Variants in BLK observed in about 807,000 individuals in gnomAD.
BLK encodes the protein tyrosine-protein kinase Blk.
BLK carries 64 observed loss-of-function variants against 61.8 expected under a neutral mutation model. The observed-to-expected ratio is 1.03, with a 90% confidence interval of 0.85 to 1.27. BLK has a LOEUF of 1.27. BLK is among the 50% of genes most tolerant of loss of function. The probability of loss-of-function intolerance (pLI) is 0.00; values close to 1 mark genes in which losing one functional copy is unlikely to be tolerated. For missense variants in BLK, 853 were observed against 660.5 expected, an observed-to-expected ratio of 1.29 and a Z score of -3.19; for synonymous variants, 351 against 272.0, an observed-to-expected ratio of 1.29 and a Z score of -2.86.
intron 1 of BLK, chr8:11,509,950 C>T (rs1358937890): frequency 1.3e-5 from 2 of 152,122 alleles, no homozygotes; most frequent in African/African-American, 4.8e-5. Flanking sequence ...AAGCATCTTT[C>T]CCACTGCTAC....
At chr8:11,530,521 A>G (rs1799841822) in intron 1 of BLK, among the ~76,000 whole-genome samples, 2 of 152,260 alleles carry the variant, frequency 1.3e-5, no homozygotes, top group South Asian at 4.1e-4. Flanking sequence ...AAGAAAACAC[A>G]TTCTTATTGA....
intron 1 of BLK, among the ~76,000 whole-genome samples, chr8:11,542,954 C>G (rs1408508991): frequency 1.3e-5 from 2 of 152,186 alleles, no homozygotes; most frequent in African/African-American, 4.8e-5. Flanking sequence ...CCTGGATCCA[C>G]CCCAGTGGTT....
intron 1 of BLK, among the ~76,000 whole-genome samples, chr8:11,540,553 CA>C (rs556718282): frequency 1.0e-3 from 156 of 151,962 alleles, no homozygotes; most frequent in Middle Eastern, 3.4e-3. Flanking sequence ...ATATTAGGAA[CA>C]AGAAAAACAT....
At position 11,546,103 on chromosome 8, in the gene BLK, G is replaced by A. The variant is rs773488674; in HGVS notation, c.175G>A (p.Asp59Asn). ...ACCGCCCGATGAACACCTGGATGAA[G>A]GTAAGAAGGGTGGTTTGGGAAGCTG... Reference protein sequence around the residue: ...PPPPDEHLDEDKHFVVALYDY... With the variant: ...PPPPDEHLDENKHFVVALYDY... Residue 59 changes from aspartate (D) to asparagine (N), a missense_variant and splice_region_variant, in exon 3 of 13, where the codon GAC (aspartate) becomes AAC (asparagine). Asp to Asn is a conservative substitution (Grantham distance 23, BLOSUM62 1). Coordinates refer to ENST00000259089, the MANE Select transcript of BLK (RefSeq NM_001715.3). The A allele has an allele frequency of 1.2e-5, 19 of 1,614,050 alleles. No individual in the cohort carries two copies. Among genetic ancestry groups the A allele is most frequent in the Non-Finnish European group, 1.4e-5 (16 of 1,180,014 alleles).
chr8:11,561,276 C>G (rs368828603), intron 10 of BLK, 26 bp from the exon 11 acceptor site: 1 of 1,608,982 alleles, frequency 6.2e-7, no homozygotes, highest in Admixed American at 1.7e-5. Flanking sequence ...CCCAGGCTGT[C>G]CTTCACCATG....
chr8:11,526,489 C>T (rs755248908), intron 1 of BLK, among the ~76,000 whole-genome samples: 4 of 152,134 alleles, frequency 2.6e-5, no homozygotes, highest in African/African-American at 7.2e-5. Flanking sequence ...GAGGCCAAGG[C>T]GGGTGGGTCA....
intron 11 of BLK, among the ~76,000 whole-genome samples, chr8:11,562,333 G>T (rs1801532839): frequency 6.6e-6 from 1 of 152,204 alleles, no homozygotes; most frequent in Admixed American, 6.5e-5. Context: ...AGCAGTGTCT[G>T]CTGAGCCTAT....
chr8:11,556,769 G>C lies in BLK; in HGVS notation c.884G>C (p.Arg295Pro). The C allele has an allele frequency of 1.2e-6, 2 of 1,614,200 alleles. No individual in the cohort carries two copies. The highest frequency in any genetic ancestry group is 1.7e-6 in the Non-Finnish European group (2 of 1,180,044). Residue 295 changes from arginine (R) to proline (P), a missense_variant, in exon 9 of 13, where the codon CGG (arginine) becomes CCG (proline). Transcript: ENST00000259089. ...GTGATGAAGGCTCTGCAGCACGAGCGGCTGGTCCGACTCTACGCAGTGGTC... is the reference window on the plus strand; with the variant it reads ...GTGATGAAGGCTCTGCAGCACGAGCCGCTGGTCCGACTCTACGCAGTGGTC... ...ANVMKALQHE[R>P]LVRLYAVVTK...
chr8:11,522,171 G>A (rs1328261806), intron 1 of BLK, among the ~76,000 whole-genome samples: 1 of 151,842 alleles, frequency 6.6e-6, no homozygotes, highest in Admixed American at 6.6e-5. Context: ...GTGTTTAGTT[G>A]GCATTGGAAA....
At chr8:11,511,908 C>G (rs1799022594) in intron 1 of BLK, among the ~76,000 whole-genome samples, 1 of 152,100 alleles carries the variant, frequency 6.6e-6, no homozygotes, top group South Asian at 2.1e-4. Flanking sequence ...ACTATTTACT[C>G]TTTCTGGCAG....
At chr8:11,521,752 C>A (rs946847072) in intron 1 of BLK, among the ~76,000 whole-genome samples, 1 of 152,184 alleles carries the variant, frequency 6.6e-6, no homozygotes, top group Non-Finnish European at 1.5e-5. Flanking sequence ...CATGAGGGTC[C>A]GTCTGAGACT....
At position 11,564,554 on chromosome 8, in the gene BLK, C is replaced by G. The variant is rs1310736394; in HGVS notation, c.*446C>G. 1 of 459,014 alleles carries G rather than the reference C, an allele frequency of 2.2e-6. No individual in the cohort carries two copies. Among genetic ancestry groups the G allele is most frequent in the South Asian group, 1.6e-5 (1 of 63,436 alleles). The allele number at this position is 459,014 out of a possible 1,614,324, so 28.4% of individuals were successfully genotyped here. ...AGGGGCAGCCCCAGCCTAGGCTGCGCTCCAGCACTGCGGGGCTTTTCTGCA... is the reference window on the plus strand; with the variant it reads ...AGGGGCAGCCCCAGCCTAGGCTGCGGTCCAGCACTGCGGGGCTTTTCTGCA... On this transcript the variant is annotated 3_prime_UTR_variant, in exon 13 of 13. Transcript: ENST00000259089.
chr8:11,547,954 T>C, intron 3 of BLK, 78 bp from the exon 4 acceptor site: 1 of 1,224,962 alleles, frequency 8.2e-7, no homozygotes, highest in Non-Finnish European at 1.2e-6. Context: ...CTGTCCTCCT[T>C]GGTAGCCAGG....
At chr8:11,502,593 A>G (rs1318467510) in intron 1 of BLK, among the ~76,000 whole-genome samples, 2 of 152,162 alleles carry the variant, frequency 1.3e-5, no homozygotes, top group African/African-American at 4.8e-5. Context: ...CGGCCCGTAT[A>G]GTTTTTATAC....
intron 1 of BLK, among the ~76,000 whole-genome samples, chr8:11,531,578 T>C (rs551996281): frequency 1.3e-5 from 2 of 152,352 alleles, no homozygotes; most frequent in East Asian, 1.9e-4. Context: ...GTTTTCTTCA[T>C]ACTTGGGGTT....
In BLK at chr8:11,550,150, G is replaced by A. The variant is rs370810777; in HGVS notation, c.369-9G>A. On this transcript the variant is annotated splice_polypyrimidine_tract_variant and intron_variant, in intron 5 of 12. Coordinates refer to ENST00000259089, the MANE Select transcript of BLK (RefSeq NM_001715.3). ...GCTCTGAGTTTCACCTGTTCCTGCC[G>A]TTTTCCAGGTGGTTCTTTAGATCAC... 6.0e-5 allele frequency: 97 copies of A among 1,613,490 alleles called. No individual in the cohort carries two copies. The highest frequency in any genetic ancestry group is 2.1e-4 in the South Asian group (19 of 91,078).
At chr8:11,546,191 A>G in intron 3 of BLK, 88 bp downstream of exon 3, 2 of 1,480,674 alleles carry the variant, frequency 1.4e-6, no homozygotes, top group Non-Finnish European at 1.9e-6. Context: ...TTGAGTCAGG[A>G]GCAGCTTGAG....
At chr8:11,523,593 T>A (rs943150537) in intron 1 of BLK, among the ~76,000 whole-genome samples, 45 of 152,172 alleles carry the variant, frequency 3.0e-4, no homozygotes, top group African/African-American at 1.1e-3. Flanking sequence ...AAGCATAACC[T>A]AAATTAAGAA....
chr8:11,560,719 G>T, intron 10 of BLK: 1 of 390,510 alleles, frequency 2.6e-6, no homozygotes, highest in South Asian at 1.9e-5. Context: ...TGCCCCCACG[G>T]GGCAGGCGCT....
Sources: gnomAD v4.1 joint callset for allele counts (sites outside exome capture counted in the v4.1 genomes callset) on GRCh38, gnomAD v4.1.1 for gene constraint, MANE v1.5 for transcripts, NCBI Gene and HGNC (gene_info 2026-07-23, HGNC 2026-07-21) for gene names.